The following PCDHGA1 variants were observed in gnomAD, a reference collection of about 807,000 sequenced individuals.
The protein encoded by PCDHGA1 is protocadherin gamma-A1.
Under a neutral mutation model 58.0 loss-of-function variants are expected in PCDHGA1, and 32 were observed. The observed-to-expected ratio is 0.55, with a 90% confidence interval of 0.42 to 0.74. The LOEUF (loss-of-function observed/expected upper bound fraction) is 0.74, where lower values mean the gene tolerates loss of function less well. Among genes scored for constraint, PCDHGA1 ranks in the 30% least tolerant of loss-of-function variants. The pLI is 0.00. For synonymous variants in PCDHGA1, 498 were observed against 501.1 expected (o/e 0.99, Z 0.08); for missense variants, 1,205 against 1,182.3 (o/e 1.02, Z -0.28).
chr5:141,483,509 C>A (rs2099582178), intron 1 of PCDHGA1, among the ~76,000 whole-genome samples: 1 of 147,450 alleles, frequency 6.8e-6, no homozygotes, highest in African/African-American at 2.5e-5. Flanking sequence ...AGGCTGATCC[C>A]CCTAGATCCT....
Position 141,364,330 on chromosome 5 carries a change from A to C in PCDHGA1, c.2421+31225A>C, listed in dbSNP as rs765774882. The C allele has an allele frequency of 8.9e-5, 137 of 1,531,760 alleles. 1 individual carries two copies. The highest frequency in any genetic ancestry group is 7.0e-6 in the Non-Finnish European group (8 of 1,143,452). The allele number at this position is 1,531,760 out of a possible 1,614,324, so 94.9% of individuals were successfully genotyped here. On this transcript the variant is annotated intron_variant, in intron 1 of 3. Transcript: ENST00000517417. ...AGAGAAAATTGGGCAGAGAGAAGGC[A>C]ATGGCGAGTCCACCTAGGGGCTGGG...
At chr5:141,416,698 A>G (rs2096053724) in intron 1 of PCDHGA1, 1 of 152,250 alleles carries the variant, frequency 6.6e-6, no homozygotes, top group Non-Finnish European at 1.5e-5. Context: ...TAAACAAAGG[A>G]TCATTGGAGG....
intron 1 of PCDHGA1, chr5:141,339,772 T>C: frequency 6.2e-7 from 1 of 1,614,180 alleles, no homozygotes; most frequent in Non-Finnish European, 8.5e-7. Context: ...TGACCGCCAC[T>C]GACGCAGATG....
chr5:141,350,996 G>A, intron 1 of PCDHGA1: 1 of 1,614,066 alleles, frequency 6.2e-7, no homozygotes, highest in Non-Finnish European at 8.5e-7. Context: ...GGTATACAGG[G>A]TTAGCCTCCA....
At chr5:141,418,912 ACT>A (rs1457793463) in intron 1 of PCDHGA1, 2 of 1,613,770 alleles carry the variant, frequency 1.2e-6, no homozygotes, top group Non-Finnish European at 1.7e-6. Flanking sequence ...TCATCACGTC[ACT>A]CTCTGATCAG....
rs934044974 is a variant in PCDHGA1, at chr5:141,476,034, C to T, written c.2422-18773C>T. 3 of 1,464,488 alleles carry T rather than the reference C, an allele frequency of 2.0e-6. No individual in the cohort carries two copies. The highest frequency in any genetic ancestry group is 2.3e-5 in the Admixed American group (1 of 44,364). The allele number at this position is 1,464,488 out of a possible 1,614,324, so 90.7% of individuals were successfully genotyped here. A position where few individuals can be genotyped will look rare whatever the true frequency, so the allele number is the denominator to read the frequency against. On this transcript the variant is annotated intron_variant, in intron 1 of 3. Transcript: ENST00000517417. The surrounding 1 kb of genome is among the most constrained non-coding windows in gnomAD (Gnocchi z 7.6). ...CCATGTCGGACTCGGCGCCCAGCGC[C>T]CAAGCGCTAACCCGCTGAAAGTTTC...
chr5:141,376,437 A>C (rs375879976), intron 1 of PCDHGA1: 1 of 1,614,086 alleles, frequency 6.2e-7, no homozygotes, highest in South Asian at 1.1e-5. Flanking sequence ...CAGGAGAGCT[A>C]TGAGAAAAGC....
At chr5:141,402,469 A>G (rs2094270515) in intron 1 of PCDHGA1, among the ~76,000 whole-genome samples, 1 of 152,224 alleles carries the variant, frequency 6.6e-6, no homozygotes. Context: ...ATCTAGAAAT[A>G]GAGTGCAAAG....
At chr5:141,338,007 C>G (rs1472661661) in intron 1 of PCDHGA1, among the ~76,000 whole-genome samples, 1 of 152,182 alleles carries the variant, frequency 6.6e-6, no homozygotes, top group African/African-American at 2.4e-5. Flanking sequence ...TAGAACACTT[C>G]TTCAGCCTTT....
intron 1 of PCDHGA1, chr5:141,398,633 A>G: frequency 6.2e-7 from 1 of 1,614,064 alleles, no homozygotes; most frequent in Non-Finnish European, 8.5e-7. Flanking sequence ...TCTCTGCAGA[A>G]GTATAAACTC....
Position 141,476,165 on chromosome 5 carries a change from G to A in PCDHGA1, c.2422-18642G>A. ...CGGACTGGTAAGCACCGGGAGGGTA[G>A]TGGGAGTTTTGCTTCTGCTTGGTGC... On this transcript the variant is annotated intron_variant, in intron 1 of 3. Coordinates refer to ENST00000517417, the MANE Select transcript of PCDHGA1 (RefSeq NM_018912.3). This position sits in a 1 kb window ranked among gnomAD's most constrained non-coding sequence, Gnocchi z 7.6. 1 of 1,613,228 alleles carries A rather than the reference G, an allele frequency of 6.2e-7. No homozygotes were observed.
At chr5:141,394,660 T>G in intron 1 of PCDHGA1, 1 of 1,613,264 alleles carries the variant, frequency 6.2e-7, no homozygotes, top group East Asian at 2.2e-5. Context: ...GAGCCGGGAC[T>G]CTTCTCGGTG....
At chr5:141,494,783 C>G (rs2099756910) in intron 1 of PCDHGA1, 24 bp from the exon 2 acceptor site, 2 of 1,613,964 alleles carry the variant, frequency 1.2e-6, no homozygotes, top group Admixed American at 3.3e-5. Context: ...GTACTCAGCC[C>G]CTTTCCCTCT....
intron 1 of PCDHGA1, chr5:141,441,578 C>T (rs889509502): frequency 2.9e-5 from 6 of 207,738 alleles, no homozygotes; most frequent in Non-Finnish European, 5.9e-5. Flanking sequence ...CCAACCTAGA[C>T]TTGGGACCCA....
At chr5:141,350,170 G>C in intron 1 of PCDHGA1, 1 of 1,241,078 alleles carries the variant, frequency 8.1e-7, no homozygotes, top group East Asian at 2.6e-5. Context: ...TAACTAATAA[G>C]TCCTAAGCTC....
chr5:141,497,919 T>G (rs762168347), intron 2 of PCDHGA1, among the ~76,000 whole-genome samples: 11 of 152,206 alleles, frequency 7.2e-5, no homozygotes, highest in Non-Finnish European at 1.6e-4. Flanking sequence ...TCTCCTTCAT[T>G]CATTCAACAA....
intron 1 of PCDHGA1, chr5:141,408,804 A>G (rs577658697): frequency 1.9e-6 from 3 of 1,613,264 alleles, no homozygotes; most frequent in African/African-American, 2.7e-5. Context: ...AAACTCCTAG[A>G]CCGGGAAGAA....
At position 141,431,106 on chromosome 5, in the gene PCDHGA1, T is replaced by C. The variant is rs566174531; in HGVS notation, c.2422-63701T>C. 25 of 1,614,108 alleles carry C rather than the reference T, an allele frequency of 1.5e-5. No homozygotes were observed. In the South Asian group the frequency reaches 2.7e-4, roughly 18 times the overall value. On this transcript the variant is annotated intron_variant, in intron 1 of 3. Transcript: ENST00000517417. This position sits in a 1 kb window ranked among gnomAD's most constrained non-coding sequence, Gnocchi z 4.8. ...ATTCTGATGGAGGATAAAGTGAAAA[T>C]ATATGGAGTAGAAGTAGAAGTAAGG...
chr5:141,335,206 AT>A (rs997971143), intron 1 of PCDHGA1, among the ~76,000 whole-genome samples: 14 of 152,030 alleles, frequency 9.2e-5, no homozygotes, highest in Non-Finnish European at 1.6e-4. Context: ...TATAATCATA[AT>A]TTTTTTTCTG....
Sources: gnomAD v4.1 joint callset for allele counts (sites outside exome capture counted in the v4.1 genomes callset) on GRCh38, gnomAD v4.1.1 for gene constraint, Gnocchi (gnomAD v3.1) non-coding constraint, MANE v1.5 for transcripts, NCBI Gene and HGNC (gene_info 2026-07-23, HGNC 2026-07-21) for gene names.